Variants in ADAMTSL1 observed in about 807,000 individuals in gnomAD.
ADAMTSL1 encodes ADAMTS like 1.
ADAMTSL1 carries 126 observed loss-of-function variants against 201.8 expected under a neutral mutation model. That is an observed-to-expected ratio of 0.62 (90% CI 0.54 to 0.72). The LOEUF (loss-of-function observed/expected upper bound fraction) is 0.72. Ranked by LOEUF, ADAMTSL1 falls within the 30% of genes least tolerant of loss-of-function variation. The pLI, the probability that ADAMTSL1 is intolerant of heterozygous loss-of-function variation, is 0.00. For synonymous variants in ADAMTSL1, 1,121 were observed against 903.4 expected, an observed-to-expected ratio of 1.24 and a Z score of -4.32; for missense variants, 2,679 against 2,277.8, an observed-to-expected ratio of 1.18 and a Z score of -3.59.
At chr9:18,443,077 C>T (rs900490534) in intron 2 of ADAMTSL1, among the ~76,000 whole-genome samples, 1 of 152,166 alleles carries the variant, frequency 6.6e-6, no homozygotes, top group Non-Finnish European at 1.5e-5. Flanking sequence ...AAAATGAAGG[C>T]TTTGGGGGCC....
At chr9:18,248,346 A>G (rs1337812584) in intron 2 of ADAMTSL1, among the ~76,000 whole-genome samples, 1 of 152,160 alleles carries the variant, frequency 6.6e-6, no homozygotes, top group Non-Finnish European at 1.5e-5. Context: ...CGCGGTATGT[A>G]AAAAGCTTGG....
chr9:18,606,239 C>T (rs1402944832), intron 4 of ADAMTSL1, among the ~76,000 whole-genome samples: 1 of 152,088 alleles, frequency 6.6e-6, no homozygotes, highest in Non-Finnish European at 1.5e-5. Flanking sequence ...TATAGGCAAG[C>T]ATTGAAAATA....
At chr9:18,092,901 A>T (rs951419468) in intron 1 of ADAMTSL1, among the ~76,000 whole-genome samples, 5 of 152,334 alleles carry the variant, frequency 3.3e-5, no homozygotes, top group Non-Finnish European at 5.9e-5. Flanking sequence ...GGCAGACTTC[A>T]TTTACAAAAT....
At chr9:18,272,318 C>T (rs1165906185) in intron 2 of ADAMTSL1, among the ~76,000 whole-genome samples, 4 of 152,192 alleles carry the variant, frequency 2.6e-5, no homozygotes, top group Non-Finnish European at 1.5e-5. Context: ...CTACAACTAT[C>T]TGAACTTTGA....
Position 18,646,198 on chromosome 9 carries a change from A to G in ADAMTSL1, c.834+6787A>G, listed in dbSNP as rs977085706. Among the ~76,000 whole-genome samples the G allele has an allele frequency of 1.1e-4, 17 of 151,702 alleles. 1 individual carries two copies. In the South Asian group the frequency reaches 2.7e-3, roughly 24 times the overall value. ...TGATTTGGCTCTCTGTTTGTCTGTT[A>G]TTGGTGTATAAGAATGCTTGTGATT... On this transcript the variant is annotated intron_variant, in intron 7 of 28. Coordinates refer to ENST00000380548, the MANE Select transcript of ADAMTSL1 (RefSeq NM_001040272.6).
intron 3 of ADAMTSL1, among the ~76,000 whole-genome samples, chr9:18,549,888 A>G (rs1255278241): frequency 6.6e-6 from 1 of 151,928 alleles, no homozygotes; most frequent in Non-Finnish European, 1.5e-5. Flanking sequence ...AGAAATGAAT[A>G]TCAAGTTTCA....
chr9:18,744,605 C>T (rs1819025891), intron 15 of ADAMTSL1, among the ~76,000 whole-genome samples: 1 of 152,212 alleles, frequency 6.6e-6, no homozygotes, highest in Non-Finnish European at 1.5e-5. Flanking sequence ...CTGGGTTTCA[C>T]CCTTTACATG....
intron 23 of ADAMTSL1, among the ~76,000 whole-genome samples, chr9:18,851,531 A>C (rs564966377): frequency 5.9e-5 from 9 of 152,164 alleles, no homozygotes; most frequent in Non-Finnish European, 1.2e-4. Context: ...TTTCTTAAAA[A>C]TTTTCAGAGC....
intron 2 of ADAMTSL1, among the ~76,000 whole-genome samples, chr9:18,268,399 C>A (rs2245301): frequency 0.037 from 5,560 of 152,262 alleles, 273 homozygotes; most frequent in African/African-American, 0.11. Flanking sequence ...AAAATCACAG[C>A]AGCTGCACAA....
At chr9:17,937,363 G>A (rs1156265593) in intron 1 of ADAMTSL1, among the ~76,000 whole-genome samples, 1 of 151,860 alleles carries the variant, frequency 6.6e-6, no homozygotes, top group Non-Finnish European at 1.5e-5. Context: ...AACTAAATTG[G>A]AATGAAGACC....
intron 14 of ADAMTSL1, among the ~76,000 whole-genome samples, chr9:18,717,555 A>G (rs1307585124): frequency 6.6e-6 from 1 of 152,208 alleles, no homozygotes; most frequent in African/African-American, 2.4e-5. Context: ...AGTAGTCTAC[A>G]TAGGAGCTCT....
intron 1 of ADAMTSL1, among the ~76,000 whole-genome samples, chr9:18,011,946 A>T (rs1820070639): frequency 6.6e-6 from 1 of 152,038 alleles, no homozygotes; most frequent in African/African-American, 2.4e-5. Context: ...GTTCCCTCTT[A>T]GACATAGGGG....
chr9:18,235,698 C>T (rs968600810), intron 2 of ADAMTSL1, among the ~76,000 whole-genome samples: 3 of 152,168 alleles, frequency 2.0e-5, no homozygotes, highest in Admixed American at 6.5e-5. Context: ...CCCACAGTTA[C>T]ACAGCTTTTG....
intron 23 of ADAMTSL1, among the ~76,000 whole-genome samples, chr9:18,859,947 A>G (rs1425577792): frequency 6.6e-6 from 1 of 152,214 alleles, no homozygotes; most frequent in Admixed American, 6.5e-5. Context: ...ACCCATTTAA[A>G]GAATGAGGTA....
intron 1 of ADAMTSL1, among the ~76,000 whole-genome samples, chr9:18,099,352 TA>T (rs1348910945): frequency 0.13 from 6,686 of 53,148 alleles, 337 homozygotes; most frequent in Admixed American, 0.17. Context: ...TATATATATA[TA>T]TATTTTTTTT....
At chr9:18,903,811 C>G (rs1018648605) in intron 26 of ADAMTSL1, among the ~76,000 whole-genome samples, 1 of 151,762 alleles carries the variant, frequency 6.6e-6, no homozygotes. Context: ...AAAAGTTGGC[C>G]CTCCACATAC....
chr9:18,174,686 G>A (rs994106194), intron 2 of ADAMTSL1, among the ~76,000 whole-genome samples: 2 of 151,798 alleles, frequency 1.3e-5, no homozygotes, highest in African/African-American at 2.4e-5. Context: ...GATTGTAATC[G>A]GGCTGACCAA....
intron 2 of ADAMTSL1, among the ~76,000 whole-genome samples, chr9:18,174,387 A>G (rs1431081498): frequency 6.6e-6 from 1 of 152,176 alleles, no homozygotes; most frequent in Non-Finnish European, 1.5e-5. Flanking sequence ...CTAGTGGTTG[A>G]ACAAGGTCAT....
intron 1 of ADAMTSL1, among the ~76,000 whole-genome samples, chr9:17,924,134 C>T (rs920545756): frequency 8.7e-5 from 13 of 149,790 alleles, no homozygotes; most frequent in African/African-American, 3.2e-4. Flanking sequence ...ATGATGCTGG[C>T]CTCATAAAAT....
Sources: gnomAD v4.1 joint callset for allele counts (sites outside exome capture counted in the v4.1 genomes callset) on GRCh38, gnomAD v4.1.1 for gene constraint, MANE v1.5 for transcripts, NCBI Gene and HGNC (gene_info 2026-07-23, HGNC 2026-07-21) for gene names.